The following DGKB variants were observed in gnomAD, a reference collection of about 807,000 sequenced individuals.
DGKB encodes the protein 90 kDa diacylglycerol kinase.
Under a neutral mutation model 114.3 loss-of-function variants are expected in DGKB, and 67 were observed. The ratio of observed to expected loss-of-function variants is 0.59; its 90% confidence interval spans 0.48 to 0.72. The LOEUF (loss-of-function observed/expected upper bound fraction) is 0.72. DGKB is among the 30% of genes least tolerant of loss of function. The pLI, the probability that DGKB is intolerant of heterozygous loss-of-function variation, is 0.00. For synonymous variants in DGKB, 398 were observed against 323.1 expected, an observed-to-expected ratio of 1.23 and a Z score of -2.49; for missense variants, 907 against 975.2, an observed-to-expected ratio of 0.93 and a Z score of 0.93.
At chr7:14,181,711 C>G (rs542641216) in intron 23 of DGKB, among the ~76,000 whole-genome samples, 1 of 152,186 alleles carries the variant, frequency 6.6e-6, no homozygotes, top group African/African-American at 2.4e-5. Context: ...GAAATCCTGA[C>G]ACCATGATAC....
chr7:14,819,883 G>C (rs1844672469), intron 2 of DGKB, among the ~76,000 whole-genome samples: 2 of 152,088 alleles, frequency 1.3e-5, no homozygotes, highest in South Asian at 4.1e-4. Context: ...AAATGGCATA[G>C]CCAAGAAATG....
intron 19 of DGKB, among the ~76,000 whole-genome samples, chr7:14,578,210 G>A (rs1034796985): frequency 6.6e-6 from 1 of 152,122 alleles, no homozygotes; most frequent in African/African-American, 2.4e-5. Context: ...CTTCACGATT[G>A]TAAGTTTCCT....
intron 1 of DGKB, among the ~76,000 whole-genome samples, chr7:14,890,206 C>T (rs1232327189): frequency 2.6e-5 from 4 of 151,470 alleles, no homozygotes; most frequent in Non-Finnish European, 5.9e-5. Context: ...TAGGTCACAG[C>T]TAACCCTATT....
intron 21 of DGKB, among the ~76,000 whole-genome samples, chr7:14,360,647 G>T (rs1407306833): frequency 6.6e-6 from 1 of 151,592 alleles, no homozygotes; most frequent in Non-Finnish European, 1.5e-5. Context: ...GGTAACTTTG[G>T]GCATCTAACA....
intron 2 of DGKB, among the ~76,000 whole-genome samples, chr7:14,795,342 C>A (rs942850284): frequency 6.6e-6 from 1 of 152,064 alleles, no homozygotes; most frequent in Non-Finnish European, 1.5e-5. Context: ...GAGATATGGA[C>A]CAAAAGGTAG....
intron 20 of DGKB, among the ~76,000 whole-genome samples, chr7:14,487,664 G>C (rs1784026034): frequency 8.9e-6 from 1 of 112,762 alleles, no homozygotes; most frequent in African/African-American, 2.7e-5. Flanking sequence ...CTGCAGTGCA[G>C]TGCAATAGCT....
intron 15 of DGKB, chr7:14,621,064 C>T: frequency 4.9e-6 from 1 of 205,548 alleles, no homozygotes; most frequent in Non-Finnish European, 9.6e-6. Context: ...ATAAAGTATA[C>T]CTGTAAATAA....
chr7:14,327,336 T>C (rs76940075), intron 23 of DGKB, among the ~76,000 whole-genome samples: 13 of 152,224 alleles, frequency 8.5e-5, no homozygotes, highest in African/African-American at 3.1e-4. Flanking sequence ...AAATTTAAAA[T>C]AGTTTGTCTT....
intron 13 of DGKB, among the ~76,000 whole-genome samples, chr7:14,664,839 T>A (rs978630089): frequency 1.3e-5 from 2 of 151,758 alleles, no homozygotes; most frequent in South Asian, 2.1e-4. Flanking sequence ...ACTGCTCTTA[T>A]CTGGATTTTT....
At chr7:14,883,828 C>T (rs1213417349) in intron 1 of DGKB, among the ~76,000 whole-genome samples, 1 of 151,990 alleles carries the variant, frequency 6.6e-6, no homozygotes, top group African/African-American at 2.4e-5. Context: ...AGCACATATA[C>T]ATTTTTTTCT....
In DGKB at chr7:14,753,921, G is replaced by A. The variant is rs761642389; in HGVS notation, c.168+7C>T. 8 of 1,490,026 alleles carry A rather than the reference G, an allele frequency of 5.4e-6. No homozygotes were observed. Among genetic ancestry groups the A allele is most frequent in the African/African-American group, 4.2e-5 (3 of 71,878 alleles). The allele number at this position is 1,490,026 out of a possible 1,614,324, so 92.3% of individuals were successfully genotyped here. Reference sequence around the variant, plus strand: ...GACAGACTTTAATAGAAAAGAAAATGTCTTACTTGGTTAAGAATGTCTTGT... The same window carrying A: ...GACAGACTTTAATAGAAAAGAAAATATCTTACTTGGTTAAGAATGTCTTGT... On this transcript the variant is annotated splice_region_variant and intron_variant, in intron 4 of 25. Transcript: ENST00000402815.
At chr7:14,494,794 T>C (rs564442556) in intron 20 of DGKB, among the ~76,000 whole-genome samples, 1 of 151,876 alleles carries the variant, frequency 6.6e-6, no homozygotes, top group Non-Finnish European at 1.5e-5. Context: ...TCATTTTATG[T>C]ATTTCAAATT....
chr7:14,155,212 C>T (rs1023499103), intron 25 of DGKB, among the ~76,000 whole-genome samples: 3 of 151,940 alleles, frequency 2.0e-5, no homozygotes, highest in Non-Finnish European at 4.4e-5. Flanking sequence ...TTTCTAGGCC[C>T]CCAAAACACA....
intron 6 of DGKB, among the ~76,000 whole-genome samples, chr7:14,705,670 T>G (rs1826080357): frequency 1.3e-5 from 2 of 149,974 alleles, no homozygotes; most frequent in African/African-American, 2.4e-5. Flanking sequence ...TCAACATTCT[T>G]AAAGAAAAGA....
chr7:14,850,367 A>T (rs189306745), intron 1 of DGKB, among the ~76,000 whole-genome samples: 1 of 152,234 alleles, frequency 6.6e-6, no homozygotes, highest in Admixed American at 6.5e-5. Context: ...AAATTACTGG[A>T]ATCGATTTTA....
chr7:14,650,153 A>G lies in DGKB; in HGVS notation c.1135-19885T>C, dbSNP rs1220209857. Among the ~76,000 whole-genome samples, 18 of 141,592 alleles carry G rather than the reference A, an allele frequency of 1.3e-4. 1 individual carries two copies. The highest frequency in any genetic ancestry group is 9.6e-4 in the South Asian group (4 of 4,148). The allele number at this position is 141,592 out of a possible 152,430, so 92.9% of individuals were successfully genotyped here. ...GCTCTGCACCAAGTGGACCTAATAG[A>G]CATCTACAGAACTCTCCACCCCAAA... is the stretch of plus-strand genomic sequence containing the variant. On this transcript the variant is annotated intron_variant, in intron 13 of 25. Coordinates refer to ENST00000402815, the MANE Select transcript of DGKB (RefSeq NM_001350709.2).
At chr7:14,149,926 C>T (rs1256001766) in intron 25 of DGKB, among the ~76,000 whole-genome samples, 4 of 152,044 alleles carry the variant, frequency 2.6e-5, no homozygotes, top group African/African-American at 4.8e-5. Flanking sequence ...TATAAAACTA[C>T]GAATCACCTT....
At chr7:14,692,209 G>A (rs1385097900) in intron 9 of DGKB, among the ~76,000 whole-genome samples, 3 of 151,898 alleles carry the variant, frequency 2.0e-5, no homozygotes, top group Admixed American at 6.6e-5. Context: ...AATCTCTTGT[G>A]ACATTTAAAA....
At chr7:14,480,496 T>C (rs1195881489) in intron 20 of DGKB, among the ~76,000 whole-genome samples, 1 of 152,070 alleles carries the variant, frequency 6.6e-6, no homozygotes. Context: ...AAGGGCTTGA[T>C]AGAGTACTGC....
Sources: gnomAD v4.1 joint callset for allele counts (sites outside exome capture counted in the v4.1 genomes callset) on GRCh38, gnomAD v4.1.1 for gene constraint, MANE v1.5 for transcripts, NCBI Gene and HGNC (gene_info 2026-07-23, HGNC 2026-07-21) for gene names.